The following NRG3 variants were observed in gnomAD, a reference collection of about 807,000 sequenced individuals.
NRG3 encodes the protein neuregulin 3, also known as pro-neuregulin-3, membrane-bound isoform.
A neutral mutation model predicts 66.9 loss-of-function variants in NRG3; 31 were observed. The observed-to-expected ratio is 0.46, with a 90% CI of 0.35 to 0.63. The LOEUF (loss-of-function observed/expected upper bound fraction) is 0.63, where lower values mean the gene tolerates loss of function less well. Ranked by LOEUF, NRG3 falls within the 20% of genes least tolerant of loss-of-function variation. The pLI is 0.00. For synonymous variants in NRG3, 393 were observed against 359.4 expected (o/e 1.09, Z -1.06); for missense variants, 910 against 878.9 (o/e 1.04, Z -0.45).
intron 2 of NRG3, among the ~76,000 whole-genome samples, chr10:82,555,080 C>T (rs949438485): frequency 1.5e-4 from 23 of 152,128 alleles, no homozygotes; most frequent in Non-Finnish European, 2.9e-4. Flanking sequence ...AACCAATTGC[C>T]ATATGGCCAG....
chr10:82,467,833 A>G (rs984218940), intron 2 of NRG3, among the ~76,000 whole-genome samples: 1 of 152,192 alleles, frequency 6.6e-6, no homozygotes. Context: ...GTAGAGAAGG[A>G]TATATCATAT....
At chr10:81,988,298 T>G (rs1035432894) in intron 1 of NRG3, among the ~76,000 whole-genome samples, 3 of 152,190 alleles carry the variant, frequency 2.0e-5, no homozygotes, top group African/African-American at 7.2e-5. Flanking sequence ...AATAAGGCTC[T>G]GAAAGCTATG....
rs979338757 is a variant in NRG3 at position 82,647,398 on chromosome 10, C to G, written c.954-91179C>G. 3.9e-5 allele frequency among the ~76,000 whole-genome samples: 6 copies of G among 152,270 alleles called. No homozygotes were observed. In the East Asian group the frequency reaches 1.2e-3, roughly 29 times the overall value. ...ATGTGCCACATTTTCTTAATCCAGT[C>G]TATCATTGTTGGACATTTGGTTTGG... On this transcript the variant is annotated intron_variant, in intron 2 of 8. Coordinates refer to ENST00000372141, the MANE Select transcript of NRG3 (RefSeq NM_001010848.4).
intron 2 of NRG3, among the ~76,000 whole-genome samples, chr10:82,500,220 A>G (rs1844035863): frequency 6.6e-6 from 1 of 152,144 alleles, no homozygotes; most frequent in Admixed American, 6.6e-5. Flanking sequence ...TTACCCTGAA[A>G]TCTTACAATT....
chr10:82,909,301 G>A (rs1845088067), intron 4 of NRG3, among the ~76,000 whole-genome samples: 1 of 152,118 alleles, frequency 6.6e-6, no homozygotes, highest in Non-Finnish European at 1.5e-5. Flanking sequence ...TGAATCTTAT[G>A]AGCAGTTCAC....
chr10:82,146,305 C>A (rs1321639487), intron 1 of NRG3, among the ~76,000 whole-genome samples: 1 of 152,146 alleles, frequency 6.6e-6, no homozygotes, highest in Non-Finnish European at 1.5e-5. Flanking sequence ...ATTTGTCTTA[C>A]TCCAAATGTC....
chr10:82,090,057 A>G (rs1475299982), intron 1 of NRG3, among the ~76,000 whole-genome samples: 4 of 152,236 alleles, frequency 2.6e-5, no homozygotes, highest in Non-Finnish European at 5.9e-5. Context: ...TACATAATAT[A>G]TAAGTGGGTT....
chr10:82,704,659 T>G (rs1272389007), intron 2 of NRG3, among the ~76,000 whole-genome samples: 2 of 152,216 alleles, frequency 1.3e-5, no homozygotes, highest in Non-Finnish European at 2.9e-5. Flanking sequence ...TGCCAATGTT[T>G]CATATCAAGT....
At chr10:82,218,758 G>A (rs566614907) in intron 1 of NRG3, among the ~76,000 whole-genome samples, 1 of 152,156 alleles carries the variant, frequency 6.6e-6, no homozygotes, top group South Asian at 2.1e-4. Context: ...CACCTCCCAT[G>A]ATCTTGTCTA....
intron 2 of NRG3, among the ~76,000 whole-genome samples, chr10:82,573,264 A>G (rs2045845229): frequency 6.6e-6 from 1 of 151,764 alleles, no homozygotes; most frequent in Non-Finnish European, 1.5e-5. Flanking sequence ...ATTCTCTTGG[A>G]AAATCTGGTA....
intron 1 of NRG3, among the ~76,000 whole-genome samples, chr10:81,976,092 T>A (rs2060115349): frequency 1.3e-5 from 2 of 152,198 alleles, no homozygotes; most frequent in African/African-American, 4.8e-5. Flanking sequence ...TATAAGATAT[T>A]TGTATTGTTT....
intron 1 of NRG3, among the ~76,000 whole-genome samples, chr10:81,911,596 C>T (rs1845155422): frequency 7.1e-6 from 1 of 140,300 alleles, no homozygotes; most frequent in African/African-American, 2.6e-5. Flanking sequence ...CCCTCTAGCA[C>T]AGACTTGTTT....
chr10:82,614,921 T>C lies in NRG3; in HGVS notation c.954-123656T>C, dbSNP rs114475154. On this transcript the variant is annotated intron_variant, in intron 2 of 8. Coordinates refer to ENST00000372141, the MANE Select transcript of NRG3 (RefSeq NM_001010848.4). ...TCCAAAAAAAAAAACCTAGGTGATA[T>C]CAATGCTTCTTATCCGGGGACCATG... Among the ~76,000 whole-genome samples, 645 of 152,226 alleles carry C rather than the reference T, an allele frequency of 4.2e-3. 5 individuals carry two copies. The highest frequency in any genetic ancestry group is 0.015 in the African/African-American group (604 of 41,554).
At chr10:81,928,631 C>G (rs1847048197) in intron 1 of NRG3, among the ~76,000 whole-genome samples, 1 of 152,134 alleles carries the variant, frequency 6.6e-6, no homozygotes, top group Non-Finnish European at 1.5e-5. Context: ...CTTATGGGTA[C>G]ATGGGTACAT....
At chr10:82,310,042 A>G (rs1302159557) in intron 1 of NRG3, among the ~76,000 whole-genome samples, 1 of 152,014 alleles carries the variant, frequency 6.6e-6, no homozygotes, top group Non-Finnish European at 1.5e-5. Flanking sequence ...ATCCTCCATT[A>G]TGTCTCCTGG....
intron 2 of NRG3, among the ~76,000 whole-genome samples, chr10:82,670,931 C>T (rs2053221491): frequency 6.6e-6 from 1 of 152,178 alleles, no homozygotes; most frequent in Non-Finnish European, 1.5e-5. Context: ...AATTCTCATC[C>T]TCCTTAGAGG....
intron 3 of NRG3, among the ~76,000 whole-genome samples, chr10:82,765,193 G>A (rs1306077749): frequency 6.6e-6 from 1 of 152,010 alleles, no homozygotes; most frequent in African/African-American, 2.4e-5. Context: ...TTTTAACTAA[G>A]TAAGAAAATA....
intron 1 of NRG3, among the ~76,000 whole-genome samples, chr10:81,880,729 G>A (rs1842104263): frequency 6.6e-6 from 1 of 152,204 alleles, no homozygotes; most frequent in African/African-American, 2.4e-5. Context: ...TGGCCCTGAA[G>A]TATATAAGAG....
chr10:82,632,918 A>G (rs2049941619), intron 2 of NRG3, among the ~76,000 whole-genome samples: 1 of 152,194 alleles, frequency 6.6e-6, no homozygotes, highest in Non-Finnish European at 1.5e-5. Context: ...GCTGCAACAC[A>G]AGAAAATCTA....
Sources: allele counts gnomAD v4.1 joint callset (sites outside exome capture counted in the v4.1 genomes callset), GRCh38; gene constraint gnomAD v4.1.1; transcripts MANE v1.5; gene names NCBI Gene and HGNC (gene_info 2026-07-23, HGNC 2026-07-21).